Variants in ASB4 observed in about 807,000 individuals in gnomAD.
The protein encoded by ASB4 is ankyrin repeat and SOCS box protein 4.
A neutral mutation model predicts 38.6 loss-of-function variants in ASB4; 35 were observed. The ratio of observed to expected loss-of-function variants is 0.91; its 90% CI spans 0.69 to 1.20. The LOEUF (loss-of-function observed/expected upper bound fraction) is 1.20. Ranked by LOEUF, ASB4 falls within the 50% of genes most tolerant of loss-of-function variation. ASB4 has a pLI of 0.00. For synonymous variants in ASB4, 195 were observed against 201.3 expected (o/e 0.97, Z 0.26); for missense variants, 557 against 527.2 (o/e 1.06, Z -0.55).
chr7:95,477,390 CA>C (rs1246527821), upstream of ASB4, among the ~76,000 whole-genome samples: 5 of 152,056 alleles, frequency 3.3e-5, no homozygotes, highest in Non-Finnish European at 7.4e-5. Flanking sequence ...GTTATCACAT[CA>C]AAAAATATAT....
downstream of ASB4, chr7:95,544,148 C>G (rs1022168120): frequency 4.6e-5 from 7 of 152,116 alleles, no homozygotes; most frequent in African/African-American, 1.7e-4. Context: ...CTTACTTTTT[C>G]TTTTTATCAA....
At chr7:95,504,437 T>A (rs116886372) in intron 2 of ASB4, among the ~76,000 whole-genome samples, 1 of 152,184 alleles carries the variant, frequency 6.6e-6, no homozygotes, top group Non-Finnish European at 1.5e-5. Context: ...GAAATAGATA[T>A]GCCTGCTGGA....
chr7:95,515,175 TTC>T (rs1468773029), intron 2 of ASB4, among the ~76,000 whole-genome samples: 12 of 66,526 alleles, frequency 1.8e-4, no homozygotes, highest in African/African-American at 7.5e-4. Context: ...TTCTCTTTCT[TTC>T]TTTCTTTCTT....
At chr7:95,500,214 A>G (rs1043452894) in intron 2 of ASB4, among the ~76,000 whole-genome samples, 1 of 151,784 alleles carries the variant, frequency 6.6e-6, no homozygotes, top group Non-Finnish European at 1.5e-5. Context: ...GGTTCGGGAG[A>G]AAAAAAATGG....
chr7:95,476,955 A>C (rs1789983365), upstream of ASB4, among the ~76,000 whole-genome samples: 1 of 152,260 alleles, frequency 6.6e-6, no homozygotes, highest in Admixed American at 6.5e-5. Flanking sequence ...TTATTTTATG[A>C]AATCATAAAC....
Position 95,527,890 on chromosome 7 carries a change from G to A in ASB4, c.565G>A (p.Glu189Lys), listed in dbSNP as rs770009151. Residue 189 changes from glutamate to lysine, a missense_variant, in exon 3 of 5, where the codon GAG (glutamate) becomes AAG (lysine). By Grantham distance (56) the Glu-to-Lys change is moderately conservative. Coordinates refer to ENST00000325885, the MANE Select transcript of ASB4 (RefSeq NM_016116.3). ...CACGGCTGCCCACTTCGGCCTTTCG[G>A]AGCTGGTGGCCTTCTACGTGGAACA... ...LHTAAHFGLS[E>K]LVAFYVEHGA... The A allele has an allele frequency of 6.2e-7, 1 of 1,613,976 alleles. No homozygotes were observed. The highest frequency in any genetic ancestry group is 8.5e-7 in the Non-Finnish European group (1 of 1,179,984).
At chr7:95,498,020 T>C (rs1290115916) in intron 2 of ASB4, among the ~76,000 whole-genome samples, 1 of 152,258 alleles carries the variant, frequency 6.6e-6, no homozygotes, top group Non-Finnish European at 1.5e-5. Flanking sequence ...GTGGACTTTT[T>C]ATTTCTCTTA....
the ASB4 span, among the ~76,000 whole-genome samples, chr7:95,471,610 T>A: frequency 1.1e-4 from 16 of 152,284 alleles, no homozygotes; most frequent in East Asian, 3.1e-3. Flanking sequence ...CATTTGGAAA[T>A]AAACAATAAT....
intron 3 of ASB4, among the ~76,000 whole-genome samples, chr7:95,533,658 C>T (rs1234738514): frequency 6.6e-6 from 1 of 152,144 alleles, no homozygotes; most frequent in African/African-American, 2.4e-5. Context: ...GTCATGCAGA[C>T]TTGAGTTTAA....
intron 3 of ASB4, chr7:95,528,897 G>GC: frequency 1.4e-5 from 3 of 210,874 alleles, no homozygotes; most frequent in Non-Finnish European, 2.5e-5. Context: ...GCACAGTTAA[G>GC]TAGCTTACCT....
At chr7:95,549,155 T>C in the ASB4 span, among the ~76,000 whole-genome samples, 1 of 151,864 alleles carries the variant, frequency 6.6e-6, no homozygotes, top group African/African-American at 2.4e-5. Flanking sequence ...TAGGAGAGAG[T>C]TACGGGAGGA....
intron 3 of ASB4, among the ~76,000 whole-genome samples, chr7:95,534,529 AC>A (rs1790862360): frequency 6.6e-6 from 1 of 151,354 alleles, no homozygotes; most frequent in East Asian, 1.9e-4. Context: ...AGCTTCAGCC[AC>A]CCCTCCTTCC....
rs764772623 is a variant in ASB4 at position 95,536,504 on chromosome 7, G to T, written c.1046G>T (p.Arg349Ile). 2 of 1,613,386 alleles carry T rather than the reference G, an allele frequency of 1.2e-6. No individual in the cohort carries two copies. Among genetic ancestry groups the T allele is most frequent in the South Asian group, 2.2e-5 (2 of 91,052 alleles). The part of the protein sequence containing the change: ...EVVVNAYEHI[R>I]WNTKWRRAIP... ...GTAGTCAATGCCTATGAACACATCA[G>T]ATGGAACACAAAGTGGAGAAGAGCT... The change falls in exon 4 of 5, where the codon AGA becomes ATA. Residue 349 changes from arginine (R) to isoleucine (I), a missense_variant. Transcript: ENST00000325885.
chr7:95,488,137 A>C (rs1239455473), intron 1 of ASB4, among the ~76,000 whole-genome samples: 1 of 152,148 alleles, frequency 6.6e-6, no homozygotes, highest in Non-Finnish European at 1.5e-5. Flanking sequence ...GTCAGGAGAT[A>C]GAGACCATCC....
chr7:95,549,000 C>T, the ASB4 span, among the ~76,000 whole-genome samples: 2 of 152,156 alleles, frequency 1.3e-5, no homozygotes, highest in African/African-American at 2.4e-5. Context: ...AACTCAATCA[C>T]TTGCATACCA....
chr7:95,502,018 C>T (rs1790345397), intron 2 of ASB4, among the ~76,000 whole-genome samples: 1 of 151,668 alleles, frequency 6.6e-6, no homozygotes, highest in Admixed American at 6.6e-5. Context: ...AAAAGGCAAT[C>T]ATAAAACTGG....
intron 2 of ASB4, among the ~76,000 whole-genome samples, chr7:95,520,003 A>AG (rs1364817419): frequency 2.0e-4 from 31 of 152,226 alleles, no homozygotes; most frequent in African/African-American, 7.0e-4. Flanking sequence ...CATCTAAAAA[A>AG]CATGCCTTGT....
At chr7:95,528,623 G>C in intron 3 of ASB4, 5 of 1,282,268 alleles carry the variant, frequency 3.9e-6, no homozygotes, top group Non-Finnish European at 4.9e-6. Context: ...GTGTTAGACA[G>C]GCATACATTT....
rs771285372 is a variant in ASB4 at position 95,527,916 on chromosome 7, C to G, written c.591C>G (p.His197Gln). 8 of 1,614,040 alleles carry G rather than the reference C, an allele frequency of 5.0e-6. No individual in the cohort carries two copies. In the African/African-American group the frequency reaches 1.1e-4, roughly 22 times the overall value. ...AGCTGGTGGCCTTCTACGTGGAACACGGGGCCATAGTGGACAGCGTGAATG... is the reference window on the plus strand; with the variant it reads ...AGCTGGTGGCCTTCTACGTGGAACAGGGGGCCATAGTGGACAGCGTGAATG... Reference protein sequence around the residue: ...LSELVAFYVEHGAIVDSVNAH... With the variant: ...LSELVAFYVEQGAIVDSVNAH... Residue 197 changes from histidine (H) to glutamine (Q), a missense_variant, in exon 3 of 5, where the codon CAC becomes CAG. Transcript: ENST00000325885.
Sources: allele counts gnomAD v4.1 joint callset (sites outside exome capture counted in the v4.1 genomes callset), GRCh38; gene constraint gnomAD v4.1.1; transcripts MANE v1.5; gene names NCBI Gene and HGNC (gene_info 2026-07-23, HGNC 2026-07-21).